The following ZNF567 variants were observed in gnomAD, a reference collection of about 807,000 sequenced individuals.
ZNF567 encodes the protein zinc finger protein 567.
ZNF567 carries 36 observed loss-of-function variants against 53.9 expected under a neutral mutation model. The observed-to-expected ratio is 0.67, with a 90% CI of 0.51 to 0.88. The LOEUF is 0.88. Ranked by LOEUF, ZNF567 falls within the 40% of genes least tolerant of loss-of-function variation. ZNF567 has a pLI of 0.00. For missense variants in ZNF567, 619 were observed against 764.7 expected (o/e 0.81, Z 2.25); for synonymous variants, 224 against 260.4 (o/e 0.86, Z 1.35).
At chr19:36,694,744 A>G in intron 2 of ZNF567, 58 bp from the exon 3 acceptor site, 2 of 804,124 alleles carry the variant, frequency 2.5e-6, no homozygotes, top group Admixed American at 2.9e-5. Flanking sequence ...GAATTATAAG[A>G]GCTGTGAGGC....
At chr19:36,693,428 T>C (rs2038722422) in intron 2 of ZNF567, among the ~76,000 whole-genome samples, 1 of 151,994 alleles carries the variant, frequency 6.6e-6, no homozygotes, top group South Asian at 2.1e-4. Context: ...CACTGTATTC[T>C]AGCCTAGGCA....
downstream of ZNF567, chr19:36,726,960 GTTTCTTTCTTTCTTTCTTTCTTTTTC>G (rs2040336853): frequency 1.8e-5 from 1 of 55,168 alleles, no homozygotes; most frequent in Non-Finnish European, 3.7e-5. Flanking sequence ...GGTGTTTTGA[GTTTCTTTCTTTCTTTCTTTCTTTTTC>G]TTTCTTTCTT....
At position 36,704,746 on chromosome 19, in the gene ZNF567, T is replaced by C. The variant is rs1048986788; in HGVS notation, c.10-7640T>C. Among the ~76,000 whole-genome samples, 5 of 152,212 alleles carry C rather than the reference T, an allele frequency of 3.3e-5. No homozygotes were observed. In the South Asian group the frequency reaches 6.2e-4, roughly 19 times the overall value. On this transcript the variant is annotated intron_variant, in intron 3 of 5. Transcript: ENST00000682579. ...AATTGGGTTGTATTCTCTCCTCTTA[T>C]TATTTTCTGAAAGAATTTATATAGA...
Position 36,694,827 on chromosome 19 carries a change from T to C in ZNF567, c.-41T>C. ...GAACTGCCTCTTTTCTAAAGAGGAC[T>C]CCAAAGGAAGGACTGGTCATCTCTT... is the stretch of plus-strand genomic sequence containing the variant. On this transcript the variant is annotated 5_prime_UTR_variant, in exon 3 of 6. Coordinates refer to ENST00000682579, the MANE Select transcript of ZNF567 (RefSeq NM_001322917.1). 2 of 1,516,734 alleles carry C rather than the reference T, an allele frequency of 1.3e-6. No homozygotes were observed. The highest frequency in any genetic ancestry group is 1.8e-6 in the Non-Finnish European group (2 of 1,141,706). 94.0% of individuals were successfully genotyped at this position (1,516,734 alleles called of 1,614,324 possible).
intron 5 of ZNF567, chr19:36,714,543 T>C (rs1487107715): frequency 2.5e-6 from 1 of 398,090 alleles, no homozygotes; most frequent in East Asian, 3.6e-5. Flanking sequence ...CTCTCCTTAC[T>C]TACTTAACAT....
At chr19:36,707,550 G>C (rs2039560335) in intron 3 of ZNF567, among the ~76,000 whole-genome samples, 1 of 151,592 alleles carries the variant, frequency 6.6e-6, no homozygotes, top group Non-Finnish European at 1.5e-5. Flanking sequence ...ACATTCTTGA[G>C]CTTATGGAGT....
chr19:36,725,877 C>T (rs1025821199), downstream of ZNF567, among the ~76,000 whole-genome samples: 2 of 152,212 alleles, frequency 1.3e-5, no homozygotes, highest in African/African-American at 4.8e-5. Context: ...AGTACTTTTT[C>T]AGCCCTGTCT....
intron 2 of ZNF567, among the ~76,000 whole-genome samples, chr19:36,693,883 A>AG (rs1450020236): frequency 6.6e-6 from 1 of 152,234 alleles, no homozygotes; most frequent in Non-Finnish European, 1.5e-5. Flanking sequence ...TAGAAAAAAA[A>AG]CAGTCAAATG....
chr19:36,686,145 C>G (rs1600478020), upstream of ZNF567: 1 of 152,322 alleles, frequency 6.6e-6, no homozygotes, highest in East Asian at 1.9e-4. Context: ...CTAATAGTAA[C>G]CTAACCACTG....
intron 3 of ZNF567, among the ~76,000 whole-genome samples, chr19:36,699,510 G>T (rs1384183636): frequency 6.6e-6 from 1 of 152,120 alleles, no homozygotes; most frequent in Non-Finnish European, 1.5e-5. Context: ...AATTACCTTG[G>T]TCAGTATGGC....
At chr19:36,713,616 C>T (rs1431218369) in intron 5 of ZNF567, among the ~76,000 whole-genome samples, 1 of 149,612 alleles carries the variant, frequency 6.7e-6, no homozygotes, top group Admixed American at 6.6e-5. Flanking sequence ...GTCTCAAAAA[C>T]AAAAACAGAA....
upstream of ZNF567, among the ~76,000 whole-genome samples, chr19:36,683,779 C>G (rs1376450992): frequency 6.6e-6 from 1 of 152,004 alleles, no homozygotes; most frequent in East Asian, 1.9e-4. Context: ...TTGCAGTAAG[C>G]CGAGATCATG....
At chr19:36,717,522 C>A (rs1037148291) in intron 5 of ZNF567, among the ~76,000 whole-genome samples, 1 of 152,138 alleles carries the variant, frequency 6.6e-6, no homozygotes, top group Middle Eastern at 3.2e-3. Context: ...TGAGATCTGT[C>A]AGGTATGTGG....
chr19:36,695,827 G>A (rs1205725198), intron 3 of ZNF567, among the ~76,000 whole-genome samples: 2 of 152,096 alleles, frequency 1.3e-5, no homozygotes, highest in Non-Finnish European at 2.9e-5. Context: ...CCTGTCTTGT[G>A]TAGATTAAAA....
upstream of ZNF567, among the ~76,000 whole-genome samples, chr19:36,683,039 G>A (rs543914597): frequency 2.6e-5 from 4 of 151,590 alleles, no homozygotes; most frequent in East Asian, 7.8e-4. Flanking sequence ...TTTTCTATCG[G>A]GTTTTTGGGT....
At chr19:36,717,395 G>A (rs937891987) in intron 5 of ZNF567, among the ~76,000 whole-genome samples, 1 of 152,074 alleles carries the variant, frequency 6.6e-6, no homozygotes, top group Non-Finnish European at 1.5e-5. Context: ...AACCTGGAAG[G>A]CAAGCTAATT....
intron 1 of ZNF567, 37 bp downstream of exon 1, chr19:36,687,671 G>T (rs1448175080): frequency 6.6e-6 from 1 of 152,620 alleles, no homozygotes; most frequent in Non-Finnish European, 1.5e-5. Context: ...GGAGAAGGCG[G>T]GTGACGGTGT....
intron 3 of ZNF567, among the ~76,000 whole-genome samples, chr19:36,704,660 C>A (rs1437980515): frequency 6.6e-6 from 1 of 152,016 alleles, no homozygotes; most frequent in African/African-American, 2.4e-5. Flanking sequence ...GTCTGTGGTT[C>A]ATAATGGATC....
At chr19:36,687,867 C>A (rs978803511) in intron 1 of ZNF567, among the ~76,000 whole-genome samples, 1 of 152,154 alleles carries the variant, frequency 6.6e-6, no homozygotes, top group Admixed American at 6.5e-5. Flanking sequence ...AACCGGTTGC[C>A]CGAGGCGGGG....
Sources: gnomAD v4.1 joint callset for allele counts (sites outside exome capture counted in the v4.1 genomes callset) on GRCh38, gnomAD v4.1.1 for gene constraint, MANE v1.5 for transcripts, NCBI Gene and HGNC (gene_info 2026-07-23, HGNC 2026-07-21) for gene names.